The following WDFY1 variants were observed in gnomAD, a reference collection of about 807,000 sequenced individuals.
The protein encoded by WDFY1 is WD repeat and FYVE domain containing 1, also known as WD repeat and FYVE domain-containing protein 1.
A neutral mutation model predicts 56.4 loss-of-function variants in WDFY1; 32 were observed. That is an observed-to-expected ratio of 0.57 (90% CI 0.43 to 0.76). The LOEUF (loss-of-function observed/expected upper bound fraction) is 0.76, where lower values mean the gene tolerates loss of function less well. Ranked by LOEUF, WDFY1 falls within the 30% of genes least tolerant of loss-of-function variation. WDFY1 has a pLI of 0.00. For missense variants in WDFY1, 480 were observed against 545.7 expected (o/e 0.88, Z 1.20); for synonymous variants, 192 against 197.3 (o/e 0.97, Z 0.23).
intron 1 of WDFY1, among the ~76,000 whole-genome samples, chr2:223,922,597 G>T (rs1693905453): frequency 6.6e-6 from 1 of 152,158 alleles, no homozygotes; most frequent in Admixed American, 6.5e-5. Flanking sequence ...GGTTTCTTAG[G>T]TCAAAGGAAG....
intron 1 of WDFY1, 100 bp downstream of exon 1, chr2:223,945,048 G>A (rs1203732333): frequency 2.9e-6 from 4 of 1,364,002 alleles, no homozygotes; most frequent in Non-Finnish European, 1.9e-6. Flanking sequence ...TGCTGCCGGG[G>A]GAGCCCCCTC....
intron 1 of WDFY1, 113 bp from the exon 2 acceptor site, chr2:223,918,123 T>C (rs1390703704): frequency 4.8e-6 from 5 of 1,049,010 alleles, no homozygotes; most frequent in Admixed American, 2.4e-5. Flanking sequence ...ACTGACCTTA[T>C]AAAACTAACT....
At chr2:223,901,432 G>A (rs1693506753) in intron 4 of WDFY1, 99 bp from the exon 5 acceptor site, 2 of 1,421,180 alleles carry the variant, frequency 1.4e-6, no homozygotes, top group Non-Finnish European at 1.9e-6. Context: ...CCAGGGCACA[G>A]CTGTGTACAA....
chr2:223,940,306 T>C (rs564317727), intron 1 of WDFY1, among the ~76,000 whole-genome samples: 5 of 152,166 alleles, frequency 3.3e-5, no homozygotes, highest in Admixed American at 2.0e-4. Flanking sequence ...AAATAAAGAT[T>C]ACAAACAGTC....
intron 6 of WDFY1, among the ~76,000 whole-genome samples, 166 bp downstream of exon 6, chr2:223,898,792 T>C (rs1178113936): frequency 6.6e-6 from 1 of 152,154 alleles, no homozygotes; most frequent in African/African-American, 2.4e-5. Context: ...AATGAACCCA[T>C]CACCCCACCT....
chr2:223,875,529 T>TC lies in WDFY1; in HGVS notation c.*3141dup, dbSNP rs1692953522. 1 of 152,096 alleles carries TC rather than the reference T, an allele frequency of 6.6e-6. No homozygotes were observed. The highest frequency in any genetic ancestry group is 6.6e-5 in the Admixed American group (1 of 15,250). The allele number at this position is 152,096 out of a possible 1,614,324, so 9.4% of individuals were successfully genotyped here. On this transcript the variant is annotated 3_prime_UTR_variant, in exon 12 of 12. Coordinates refer to ENST00000233055, the MANE Select transcript of WDFY1 (RefSeq NM_020830.5). ...GTACTAATTAACATTACCCCTTGCTTCCCCAGTCAAAAAAGGCTATAGAGA... is the reference window on the plus strand; with the variant it reads ...GTACTAATTAACATTACCCCTTGCTTCCCCCAGTCAAAAAAGGCTATAGAGA...
intron 1 of WDFY1, among the ~76,000 whole-genome samples, chr2:223,940,179 T>G (rs1689276408): frequency 6.6e-6 from 1 of 151,884 alleles, no homozygotes; most frequent in African/African-American, 2.4e-5. Flanking sequence ...GTTAGCTGGG[T>G]GTGGTGGCGG....
intron 8 of WDFY1, among the ~76,000 whole-genome samples, chr2:223,886,411 A>G (rs1339095811): frequency 6.6e-6 from 1 of 151,538 alleles, no homozygotes; most frequent in Non-Finnish European, 1.5e-5. Flanking sequence ...ACTATACTCA[A>G]TTCTAAGACA....
chr2:223,915,608 A>T (rs1347387811), intron 2 of WDFY1, among the ~76,000 whole-genome samples: 1 of 152,228 alleles, frequency 6.6e-6, no homozygotes, highest in Non-Finnish European at 1.5e-5. Context: ...CTAATGATGG[A>T]GGAAGGGAAG....
chr2:223,888,586 A>ATTTTT lies in WDFY1; in HGVS notation c.832-3842_832-3838dup, dbSNP rs71058954. 1.2e-3 allele frequency among the ~76,000 whole-genome samples: 158 copies of ATTTTT among 131,376 alleles called. 8 individuals carry two copies. The highest frequency in any genetic ancestry group is 2.9e-3 in the East Asian group (13 of 4,524). 86.2% of individuals were successfully genotyped at this position (131,376 alleles called of 152,430 possible). On this transcript the variant is annotated intron_variant, in intron 8 of 11. Transcript: ENST00000233055. ...CAGATAAGCCATTTTTAAATTCTCA[A>ATTTTT]TTTTTTTTTTTTTTTTTTGAGACAG...
rs1646073044 is a variant in WDFY1 at position 223,875,420 on chromosome 2, A to C, written c.*3251T>G. On this transcript the variant is annotated 3_prime_UTR_variant, in exon 12 of 12. Transcript: ENST00000233055. ...ACCCACAAAAACAGAACCCACAAAT[A>C]GGAGCAAAGAACAGTTTTCTAGCAT... The C allele has an allele frequency of 6.6e-6, 1 of 152,060 alleles. No individual in the cohort carries two copies. Among genetic ancestry groups the C allele is most frequent in the Admixed American group, 6.5e-5 (1 of 15,272 alleles). The allele number at this position is 152,060 out of a possible 1,614,324, so 9.4% of individuals were successfully genotyped here.
Position 223,884,772 on chromosome 2 carries a change from C to G in WDFY1, c.832-23G>C, listed in dbSNP as rs144697572. 513 of 1,604,724 alleles carry G rather than the reference C, an allele frequency of 3.2e-4. 2 individuals carry two copies. In the African/African-American group the frequency reaches 4.9e-3, roughly 15 times the overall value. On this transcript the variant is annotated intron_variant, in intron 8 of 11. Coordinates refer to ENST00000233055, the MANE Select transcript of WDFY1 (RefSeq NM_020830.5). ...AGCCTGGGGGAGCAGAAAGTCAAAGCCACCATCAGTGTGTCTATATTTACT... is the reference window on the plus strand; with the variant it reads ...AGCCTGGGGGAGCAGAAAGTCAAAGGCACCATCAGTGTGTCTATATTTACT...
intron 8 of WDFY1, among the ~76,000 whole-genome samples, chr2:223,885,767 C>T (rs950139331): frequency 4.6e-5 from 7 of 152,194 alleles, no homozygotes; most frequent in Non-Finnish European, 1.0e-4. Flanking sequence ...ACCCCATCAC[C>T]TAGTTGCTCT....
chr2:223,930,589 C>G (rs1173502740), intron 1 of WDFY1, among the ~76,000 whole-genome samples: 5 of 152,174 alleles, frequency 3.3e-5, no homozygotes, highest in African/African-American at 7.2e-5. Flanking sequence ...CCTTGGCCTC[C>G]CAGGCATGAA....
At chr2:223,889,325 G>A (rs1693228246) in intron 8 of WDFY1, among the ~76,000 whole-genome samples, 1 of 152,130 alleles carries the variant, frequency 6.6e-6, no homozygotes, top group African/African-American at 2.4e-5. Context: ...CTTGTCAGCA[G>A]TGTCCTCAGG....
intron 1 of WDFY1, among the ~76,000 whole-genome samples, chr2:223,922,619 G>A (rs1383936927): frequency 1.3e-5 from 2 of 152,176 alleles, no homozygotes; most frequent in Admixed American, 6.5e-5. Flanking sequence ...ACAGAATGCT[G>A]ACATGTTCTA....
intron 5 of WDFY1, 64 bp downstream of exon 5, chr2:223,901,119 T>C: frequency 1.9e-6 from 3 of 1,543,612 alleles, no homozygotes; most frequent in Non-Finnish European, 2.6e-6. Context: ...TGGGATGAGA[T>C]TCAGAACCAA....
At position 223,899,335 on chromosome 2, in the gene WDFY1, T is replaced by C. The variant is rs1438872931; in HGVS notation, c.486-265A>G. ...ATTCAACAGGAACTCATTGAGTGCC[T>C]GTTACTATATCAAGCAAGATCCCAG... On this transcript the variant is annotated intron_variant, in intron 5 of 11. Transcript: ENST00000233055. The C allele has an allele frequency of 1.2e-5, 4 of 346,392 alleles. No individual in the cohort carries two copies. The South Asian group carries it at 1.2e-4, about 11-fold the overall frequency. 21.5% of individuals were successfully genotyped at this position (346,392 alleles called of 1,614,324 possible). A position where few individuals can be genotyped will look rare whatever the true frequency, so the allele number is the denominator to read the frequency against.
At chr2:223,930,460 G>A (rs1694055724) in intron 1 of WDFY1, among the ~76,000 whole-genome samples, 1 of 152,214 alleles carries the variant, frequency 6.6e-6, no homozygotes, top group Non-Finnish European at 1.5e-5. Context: ...CTCCTGAGTA[G>A]CTGGGATTAC....
Sources: gnomAD v4.1 joint callset for allele counts (sites outside exome capture counted in the v4.1 genomes callset) on GRCh38, gnomAD v4.1.1 for gene constraint, MANE v1.5 for transcripts, NCBI Gene and HGNC (gene_info 2026-07-23, HGNC 2026-07-21) for gene names.